REEP5: variants seen among roughly 807,000 people sequenced by gnomAD.
REEP5 encodes the protein receptor accessory protein 5.
Under a neutral mutation model 22.4 loss-of-function variants are expected in REEP5, and 24 were observed. That is an observed-to-expected ratio of 1.07 (90% confidence interval 0.78 to 1.51). The LOEUF (loss-of-function observed/expected upper bound fraction) is 1.51, where lower values mean the gene tolerates loss of function less well. Among genes scored for constraint, REEP5 ranks in the 40% most tolerant of loss-of-function variants. The pLI is 0.00. For synonymous variants in REEP5, 103 were observed against 88.6 expected (o/e 1.16, Z -0.92); for missense variants, 252 against 233.0 (o/e 1.08, Z -0.53).
At chr5:112,887,402 A>G (rs1768291514) in intron 3 of REEP5, among the ~76,000 whole-genome samples, 1 of 152,206 alleles carries the variant, frequency 6.6e-6, no homozygotes, top group Non-Finnish European at 1.5e-5. Flanking sequence ...TAAAAAACAA[A>G]AGGTAAAACA....
chr5:112,918,746 G>A (rs774443369), intron 2 of REEP5, among the ~76,000 whole-genome samples: 6 of 152,274 alleles, frequency 3.9e-5, no homozygotes, highest in Non-Finnish European at 5.9e-5. Flanking sequence ...CCTACCTGCT[G>A]GCACCTGCAC....
intron 2 of REEP5, among the ~76,000 whole-genome samples, chr5:112,920,082 C>T (rs895182348): frequency 6.6e-6 from 1 of 152,108 alleles, no homozygotes; most frequent in African/African-American, 2.4e-5. Context: ...AAGCAGAGCC[C>T]GGGGTAGGCC....
At chr5:112,898,655 G>A (rs911311760) in intron 3 of REEP5, among the ~76,000 whole-genome samples, 1 of 152,150 alleles carries the variant, frequency 6.6e-6, no homozygotes, top group Non-Finnish European at 1.5e-5. Context: ...ACAAGCAAGT[G>A]GGCCCAAAGC....
intron 2 of REEP5, among the ~76,000 whole-genome samples, chr5:112,909,430 A>G (rs902826816): frequency 4.0e-5 from 6 of 151,890 alleles, no homozygotes; most frequent in African/African-American, 1.5e-4. Flanking sequence ...TTGTTTAAGT[A>G]GCTGTCAGAG....
rs878955801 is a variant in REEP5, at chr5:112,877,170, A to G, written c.*1616T>C. 1 of 152,302 alleles carries G rather than the reference A, an allele frequency of 6.6e-6. No homozygotes were observed. Among genetic ancestry groups the G allele is most frequent in the African/African-American group, 2.4e-5 (1 of 41,562 alleles). 9.4% of individuals were successfully genotyped at this position (152,302 alleles called of 1,614,324 possible). A position where few individuals can be genotyped will look rare whatever the true frequency, so the allele number is the denominator to read the frequency against. On this transcript the variant is annotated 3_prime_UTR_variant, in exon 5 of 5. Coordinates refer to ENST00000379638, the MANE Select transcript of REEP5 (RefSeq NM_005669.5). ...GTAATCACCACTGTTTTCCTCCCCA[A>G]AATAAATGCTCTGATCCATATTATA...
At chr5:112,918,015 G>A (rs1481760516) in intron 2 of REEP5, among the ~76,000 whole-genome samples, 1 of 152,132 alleles carries the variant, frequency 6.6e-6, no homozygotes, top group Non-Finnish European at 1.5e-5. Context: ...TAGCAATGGG[G>A]GGAGGTCTAT....
In REEP5 at chr5:112,878,909, G is replaced by A; in HGVS notation, c.521-74C>T. ...TGGAATGCAAGCTTGCAAGCTTTGT[G>A]CCTAATGTAGCTACTAGATAACAAA... is the stretch of plus-strand genomic sequence containing the variant. On this transcript the variant is annotated intron_variant, in intron 4 of 4. Transcript: ENST00000379638. 3 of 1,607,666 alleles carry A rather than the reference G, an allele frequency of 1.9e-6. No homozygotes were observed. The South Asian group carries it at 3.3e-5, about 18-fold the overall frequency.
intron 4 of REEP5, among the ~76,000 whole-genome samples, chr5:112,879,751 C>G (rs2150032976): frequency 6.6e-6 from 1 of 152,090 alleles, no homozygotes; most frequent in Non-Finnish European, 1.5e-5. Flanking sequence ...GCTGGGATTA[C>G]AGACGTAAGC....
At chr5:112,903,877 C>T (rs1768898792) in intron 2 of REEP5, among the ~76,000 whole-genome samples, 1 of 152,198 alleles carries the variant, frequency 6.6e-6, no homozygotes, top group African/African-American at 2.4e-5. Context: ...TCTGCACAGG[C>T]TGGAGTGCAG....
At chr5:112,879,335 G>A (rs959168617) in intron 4 of REEP5, among the ~76,000 whole-genome samples, 2 of 137,538 alleles carry the variant, frequency 1.5e-5, no homozygotes, top group Admixed American at 1.4e-4. Context: ...TGGGGGGGGG[G>A]GCTGGGGGGG....
chr5:112,909,959 A>G (rs1269772199), intron 2 of REEP5, among the ~76,000 whole-genome samples: 2 of 152,214 alleles, frequency 1.3e-5, no homozygotes, highest in African/African-American at 4.8e-5. Flanking sequence ...TACATTCTCT[A>G]AGGACTTTAG....
chr5:112,920,793 A>G (rs1002514651), intron 2 of REEP5, among the ~76,000 whole-genome samples: 6 of 152,220 alleles, frequency 3.9e-5, no homozygotes, highest in Non-Finnish European at 7.3e-5. Flanking sequence ...GTGCATAAAT[A>G]TATGGTGAAA....
chr5:112,912,679 T>C (rs1414877982), intron 2 of REEP5, among the ~76,000 whole-genome samples: 2 of 152,344 alleles, frequency 1.3e-5, no homozygotes, highest in East Asian at 1.9e-4. Context: ...CTTTTTGTTA[T>C]GGCAGACACA....
chr5:112,914,757 G>C (rs981228413), intron 2 of REEP5, among the ~76,000 whole-genome samples: 1 of 152,062 alleles, frequency 6.6e-6, no homozygotes, highest in Non-Finnish European at 1.5e-5. Context: ...ACAAGTGAGC[G>C]ATCCCTTAAC....
At chr5:112,913,749 C>T (rs931582023) in intron 2 of REEP5, among the ~76,000 whole-genome samples, 1 of 152,086 alleles carries the variant, frequency 6.6e-6, no homozygotes, top group Non-Finnish European at 1.5e-5. Context: ...GGACAGACAT[C>T]CCTACACTTA....
intron 3 of REEP5, chr5:112,897,496 G>T (rs766491147): frequency 6.6e-6 from 1 of 151,980 alleles, no homozygotes; most frequent in Non-Finnish European, 1.5e-5. Context: ...TAAATCTGCT[G>T]AATAAAGGAA....
chr5:112,916,309 G>C (rs1390995271), intron 2 of REEP5, among the ~76,000 whole-genome samples: 1 of 152,012 alleles, frequency 6.6e-6, no homozygotes, highest in African/African-American at 2.4e-5. Context: ...ACCTCGATAG[G>C]GGTCATCCCC....
At chr5:112,892,873 T>G in intron 3 of REEP5, 1 of 1,612,288 alleles carries the variant, frequency 6.2e-7, no homozygotes, top group Non-Finnish European at 8.5e-7. Flanking sequence ...GGGGAAGAAA[T>G]CTCACAAACG....
At chr5:112,909,627 T>C (rs1035940607) in intron 2 of REEP5, among the ~76,000 whole-genome samples, 1 of 152,164 alleles carries the variant, frequency 6.6e-6, no homozygotes, top group Non-Finnish European at 1.5e-5. Context: ...TCTGCAATGG[T>C]AGAATGGCAG....
Sources: gnomAD v4.1 joint callset for allele counts (sites outside exome capture counted in the v4.1 genomes callset) on GRCh38, gnomAD v4.1.1 for gene constraint, MANE v1.5 for transcripts, NCBI Gene and HGNC (gene_info 2026-07-23, HGNC 2026-07-21) for gene names.